Variants in SHANK2 observed in about 807,000 individuals in gnomAD.
The protein encoded by SHANK2 is SH3 and multiple ankyrin repeat domains 2.
A neutral mutation model predicts 133.7 loss-of-function variants in SHANK2; 43 were observed. That is an observed-to-expected ratio of 0.32 (90% CI 0.25 to 0.41). The LOEUF is 0.41. Ranked by LOEUF, SHANK2 falls within the 10% of genes least tolerant of loss-of-function variation. SHANK2 has a pLI of 1.00. For missense variants in SHANK2, 1,994 were observed against 2,235.8 expected (o/e 0.89, Z 2.18); for synonymous variants, 1,017 against 952.8 (o/e 1.07, Z -1.24).
At chr11:71,220,007 T>C in intron 2 of SHANK2, among the ~76,000 whole-genome samples, 1 of 152,036 alleles carries the variant, frequency 6.6e-6, no homozygotes, top group East Asian at 1.9e-4. Flanking sequence ...GTCAATTGCT[T>C]GAGCTCAGGA....
intron 1 of SHANK2, among the ~76,000 whole-genome samples, chr11:71,235,677 G>A (rs1954818461): frequency 6.6e-6 from 1 of 151,942 alleles, no homozygotes; most frequent in South Asian, 2.1e-4. Context: ...CATTCTCGAC[G>A]GCTCACAAGG....
intron 23 of SHANK2, chr11:70,489,691 G>T (rs1346814321): frequency 2.5e-6 from 1 of 397,920 alleles, no homozygotes; most frequent in East Asian, 5.1e-5. Context: ...CTCACAAAGG[G>T]ACTGTCTCAA....
At chr11:70,828,642 GGTGA>G (rs1485024607) in intron 11 of SHANK2, among the ~76,000 whole-genome samples, 2 of 152,242 alleles carry the variant, frequency 1.3e-5, no homozygotes, top group African/African-American at 4.8e-5. Flanking sequence ...CTTTCCAGAT[GGTGA>G]GTGTCTAGTT....
At chr11:71,079,617 G>A (rs976490311) in intron 8 of SHANK2, among the ~76,000 whole-genome samples, 5 of 151,048 alleles carry the variant, frequency 3.3e-5, no homozygotes, top group South Asian at 2.1e-4. Flanking sequence ...AAAATTAGCC[G>A]GGTGTGGTGG....
intron 11 of SHANK2, among the ~76,000 whole-genome samples, chr11:70,825,364 A>G (rs1365042130): frequency 6.6e-6 from 1 of 152,244 alleles, no homozygotes; most frequent in Non-Finnish European, 1.5e-5. Context: ...AAATGGGCAC[A>G]GACAAAGGTT....
chr11:70,780,586 T>TTC (rs1426132668), intron 14 of SHANK2, among the ~76,000 whole-genome samples: 1 of 151,370 alleles, frequency 6.6e-6, no homozygotes, highest in Non-Finnish European at 1.5e-5. Context: ...ATTTTTTTTT[T>TTC]TTTTTCAGAT....
chr11:70,502,535 G>A (rs1479647830), intron 18 of SHANK2, among the ~76,000 whole-genome samples: 1 of 152,176 alleles, frequency 6.6e-6, no homozygotes, highest in East Asian at 1.9e-4. Flanking sequence ...AGGGCACTGA[G>A]TGGGAAGCCT....
At chr11:70,826,691 C>A in intron 11 of SHANK2, 1 of 362,924 alleles carries the variant, frequency 2.8e-6, no homozygotes, top group Non-Finnish European at 5.6e-6. Context: ...GTGACAAAGC[C>A]CACCCCATAT....
At chr11:70,637,867 C>T (rs12289535) in intron 17 of SHANK2, among the ~76,000 whole-genome samples, 1,585 of 152,330 alleles carry the variant, frequency 0.01, 29 homozygotes, top group African/African-American at 0.037. Context: ...TACCCAGTGA[C>T]GGGGCTGGAG....
At chr11:70,630,910 T>C (rs1555001909) in intron 17 of SHANK2, among the ~76,000 whole-genome samples, 1 of 152,162 alleles carries the variant, frequency 6.6e-6, no homozygotes, top group East Asian at 1.9e-4. Flanking sequence ...AGGAGGCCAG[T>C]GTGGTGACCT....
chr11:70,500,695 C>T lies in SHANK2; in HGVS notation c.2288-105G>A. On this transcript the variant is annotated intron_variant, in intron 20 of 25. Coordinates refer to ENST00000601538, the MANE Select transcript of SHANK2 (RefSeq NM_012309.5). The surrounding 1 kb of genome is among the most constrained non-coding windows in gnomAD (Gnocchi z 4.5). ...CAGGGCGCCTCAGGAGCAGGCTGGGCCGGCAATGGGGCGGCAGGCAGGGGC... is the reference window on the plus strand; with the variant it reads ...CAGGGCGCCTCAGGAGCAGGCTGGGTCGGCAATGGGGCGGCAGGCAGGGGC... 6.8e-7 allele frequency: 1 copy of T among 1,470,120 alleles called. No homozygotes were observed. The highest frequency in any genetic ancestry group is 9.3e-7 in the Non-Finnish European group (1 of 1,072,134). The allele number at this position is 1,470,120 out of a possible 1,614,324, so 91.1% of individuals were successfully genotyped here. A position where few individuals can be genotyped will look rare whatever the true frequency, so the allele number is the denominator to read the frequency against.
chr11:71,236,159 C>T (rs1591044535), intron 1 of SHANK2, among the ~76,000 whole-genome samples: 1 of 152,200 alleles, frequency 6.6e-6, no homozygotes, highest in African/African-American at 2.4e-5. Flanking sequence ...ACTCCTCATT[C>T]TCCACATCCC....
intron 14 of SHANK2, among the ~76,000 whole-genome samples, chr11:70,751,301 C>T (rs1350378164): frequency 6.6e-6 from 1 of 152,166 alleles, no homozygotes; most frequent in African/African-American, 2.4e-5. Flanking sequence ...TGACATATTT[C>T]ATACAGAAGA....
intron 14 of SHANK2, among the ~76,000 whole-genome samples, chr11:70,763,477 C>T (rs945041686): frequency 2.6e-5 from 4 of 152,226 alleles, no homozygotes; most frequent in African/African-American, 4.8e-5. Context: ...AGAAGTTGGA[C>T]GTTCTCATGA....
intron 21 of SHANK2, among the ~76,000 whole-genome samples, chr11:70,497,574 C>G (rs1396260333): frequency 6.6e-6 from 1 of 152,188 alleles, no homozygotes; most frequent in African/African-American, 2.4e-5. Flanking sequence ...GTGATGCTGA[C>G]CAGGCACAGG....
intron 13 of SHANK2, among the ~76,000 whole-genome samples, chr11:70,802,449 C>G (rs1555050747): frequency 6.6e-6 from 1 of 152,188 alleles, no homozygotes; most frequent in East Asian, 1.9e-4. Flanking sequence ...CCCCCTTGAC[C>G]CCAGCCTGGG....
At chr11:70,660,038 G>C (rs782509946) in intron 16 of SHANK2, 86 bp from the exon 17 acceptor site, 21 of 1,574,252 alleles carry the variant, frequency 1.3e-5, no homozygotes, top group Non-Finnish European at 1.7e-5. Flanking sequence ...GACCCCGGGA[G>C]GAAGTGGGCC....
At chr11:70,657,169 G>C (rs1591713066) in intron 17 of SHANK2, among the ~76,000 whole-genome samples, 1 of 152,218 alleles carries the variant, frequency 6.6e-6, no homozygotes, top group Non-Finnish European at 1.5e-5. Flanking sequence ...AGGAAGGCTT[G>C]CCAAGGGCTG....
chr11:70,570,759 G>T (rs2060035875), intron 17 of SHANK2: 1 of 152,186 alleles, frequency 6.6e-6, no homozygotes, highest in Admixed American at 6.5e-5. Flanking sequence ...CATAGACCGA[G>T]GCCCTCTGGG....
Sources: gnomAD v4.1 joint callset for allele counts (sites outside exome capture counted in the v4.1 genomes callset) on GRCh38, gnomAD v4.1.1 for gene constraint, Gnocchi (gnomAD v3.1) non-coding constraint, MANE v1.5 for transcripts, NCBI Gene and HGNC (gene_info 2026-07-23, HGNC 2026-07-21) for gene names.